The following NOSTRIN variants were observed in gnomAD, a reference collection of about 807,000 sequenced individuals.
NOSTRIN encodes BM247 homolog.
NOSTRIN carries 63 observed loss-of-function variants against 59.0 expected under a neutral mutation model. The ratio of observed to expected loss-of-function variants is 1.07; its 90% CI spans 0.87 to 1.32. NOSTRIN has a LOEUF of 1.32. Ranked by LOEUF, NOSTRIN falls within the 40% of genes most tolerant of loss-of-function variation. NOSTRIN has a pLI of 0.00. For missense variants in NOSTRIN, 512 were observed against 473.1 expected (o/e 1.08, Z -0.76); for synonymous variants, 200 against 165.4 (o/e 1.21, Z -1.61).
chr2:168,830,207 A>C (rs1484890770), intron 5 of NOSTRIN, among the ~76,000 whole-genome samples: 1 of 152,196 alleles, frequency 6.6e-6, no homozygotes, highest in Non-Finnish European at 1.5e-5. Context: ...GCATTTCTTT[A>C]GTATTTACCA....
At chr2:168,858,455 T>C (rs192331122) in intron 12 of NOSTRIN, among the ~76,000 whole-genome samples, 7 of 152,346 alleles carry the variant, frequency 4.6e-5, no homozygotes, top group African/African-American at 1.7e-4. Context: ...ATCTTGGTCC[T>C]TGAAGTGCCA....
intron 15 of NOSTRIN, chr2:168,863,660 G>GT (rs1319969103): frequency 1.7e-5 from 15 of 878,026 alleles, no homozygotes; most frequent in Non-Finnish European, 1.7e-5. Context: ...TTACATTTCT[G>GT]TGCAAAGCTG....
At chr2:168,855,836 T>C (rs1457007481) in intron 11 of NOSTRIN, 1 of 444,308 alleles carries the variant, frequency 2.3e-6, no homozygotes. Context: ...TTTGTTTCTT[T>C]TGACTTTTGA....
chr2:168,855,373 A>T lies in NOSTRIN; in HGVS notation c.877A>T (p.Met293Leu). Residue 293 changes from methionine (M) to leucine (L), a missense_variant, in exon 11 of 16, where the codon ATG (methionine) becomes TTG (leucine). Coordinates refer to ENST00000317647, the MANE Select transcript of NOSTRIN (RefSeq NM_001039724.4). The part of the protein sequence containing the change: ...DYFEEDPNSA[M>L]DKERRKSLLK... ...AAAGGAAGAAGATCCTAACAGTGCA[A>T]TGGATAAAGAGAGACGAAAGTCTTT... 4 of 1,597,526 alleles carry T rather than the reference A, an allele frequency of 2.5e-6. No individual in the cohort carries two copies. Among genetic ancestry groups the T allele is most frequent in the Non-Finnish European group, 3.4e-6 (4 of 1,167,902 alleles).
intron 2 of NOSTRIN, among the ~76,000 whole-genome samples, chr2:168,788,457 G>T (rs1685261540): frequency 6.6e-6 from 1 of 152,118 alleles, no homozygotes; most frequent in South Asian, 2.1e-4. Context: ...GGAGGACAGT[G>T]CAGCTGGCAG....
At chr2:168,804,439 T>G (rs1368925857) in intron 1 of NOSTRIN, among the ~76,000 whole-genome samples, 1 of 152,244 alleles carries the variant, frequency 6.6e-6, no homozygotes, top group African/African-American at 2.4e-5. Flanking sequence ...TATTTGCAAT[T>G]GTTTCATCTT....
intron 2 of NOSTRIN, among the ~76,000 whole-genome samples, chr2:168,815,404 A>G (rs769829052): frequency 2.0e-5 from 3 of 152,224 alleles, no homozygotes; most frequent in African/African-American, 7.2e-5. Flanking sequence ...ACATTCTCAG[A>G]AACACTTTGT....
At chr2:168,859,906 C>A (rs11896228) in intron 13 of NOSTRIN, among the ~76,000 whole-genome samples, 2,056 of 152,232 alleles carry the variant, frequency 0.014, 54 homozygotes, top group African/African-American at 0.046. Context: ...GAATTTCATC[C>A]TTTGGATGTG....
At chr2:168,823,573 G>A (rs1349097840) in intron 2 of NOSTRIN, among the ~76,000 whole-genome samples, 2 of 152,164 alleles carry the variant, frequency 1.3e-5, no homozygotes, top group Admixed American at 1.3e-4. Flanking sequence ...GTACATGTCT[G>A]TTTATGTCCA....
At chr2:168,828,126 C>G (rs746642408) in intron 3 of NOSTRIN, 32 bp from the exon 4 acceptor site, 1 of 872,572 alleles carries the variant, frequency 1.1e-6, no homozygotes, top group Non-Finnish European at 2.0e-6. Flanking sequence ...AAATGACACT[C>G]ACCTTTGTTC....
chr2:168,821,531 A>G (rs1170925622), intron 2 of NOSTRIN, among the ~76,000 whole-genome samples: 2 of 152,208 alleles, frequency 1.3e-5, no homozygotes, highest in Non-Finnish European at 2.9e-5. Flanking sequence ...GCCATTCTTG[A>G]CCCTTATGAA....
intron 1 of NOSTRIN, among the ~76,000 whole-genome samples, chr2:168,805,025 A>AT (rs1343339431): frequency 1.3e-5 from 2 of 152,244 alleles, no homozygotes; most frequent in African/African-American, 4.8e-5. Flanking sequence ...TAATATCATA[A>AT]TTTTAAAAAT....
intron 8 of NOSTRIN, among the ~76,000 whole-genome samples, chr2:168,843,421 T>TA (rs1688212897): frequency 6.6e-6 from 1 of 152,198 alleles, no homozygotes; most frequent in Non-Finnish European, 1.5e-5. Flanking sequence ...GCTTAAGTGT[T>TA]AGGTGCTTCA....
At chr2:168,827,859 T>C (rs952540835) in intron 3 of NOSTRIN, among the ~76,000 whole-genome samples, 6 of 151,986 alleles carry the variant, frequency 3.9e-5, no homozygotes, top group African/African-American at 1.4e-4. Context: ...ACAGGCACTT[T>C]AGGAGGCTGA....
At chr2:168,824,464 A>G (rs1262847172) in intron 2 of NOSTRIN, among the ~76,000 whole-genome samples, 170 bp from the exon 3 acceptor site, 2 of 151,908 alleles carry the variant, frequency 1.3e-5, no homozygotes, top group Admixed American at 1.3e-4. Flanking sequence ...ACGCCTGGCT[A>G]ATTTTTGTAT....
At chr2:168,787,307 C>G (rs3845725) in intron 1 of NOSTRIN, among the ~76,000 whole-genome samples, 8,791 of 152,232 alleles carry the variant, frequency 0.058, 341 homozygotes, top group Non-Finnish European at 0.087. Context: ...TCATCCCTCC[C>G]CATGGGCACT....
intron 7 of NOSTRIN, among the ~76,000 whole-genome samples, chr2:168,840,339 G>T (rs1021734937): frequency 6.6e-6 from 1 of 151,948 alleles, no homozygotes; most frequent in Non-Finnish European, 1.5e-5. Context: ...GACCATCCGG[G>T]CTAACATGGT....
chr2:168,824,287 C>A lies in NOSTRIN; in HGVS notation c.114-347C>A, dbSNP rs181879592. 3.7e-4 allele frequency among the ~76,000 whole-genome samples: 56 copies of A among 152,126 alleles called. 1 individual carries two copies. The highest frequency in any genetic ancestry group is 1.3e-3 in the African/African-American group (55 of 41,500). On this transcript the variant is annotated intron_variant, in intron 2 of 15. Coordinates refer to ENST00000317647, the MANE Select transcript of NOSTRIN (RefSeq NM_001039724.4). The stretch of plus-strand genomic sequence containing the variant: ...TGTGTATGTTTGGTTTGCTTGATTT[C>A]CAGCCAGCATAATCAATTTTTTTTT...
At chr2:168,836,039 T>C (rs552578825) in intron 7 of NOSTRIN, among the ~76,000 whole-genome samples, 57 of 152,226 alleles carry the variant, frequency 3.7e-4, no homozygotes, top group African/African-American at 1.3e-3. Flanking sequence ...GAAGAGAAAA[T>C]TGTCATCACC....
Sources: gnomAD v4.1 joint callset for allele counts (sites outside exome capture counted in the v4.1 genomes callset) on GRCh38, gnomAD v4.1.1 for gene constraint, MANE v1.5 for transcripts, NCBI Gene and HGNC (gene_info 2026-07-23, HGNC 2026-07-21) for gene names.